UNKL: variants seen among roughly 807,000 people sequenced by gnomAD.
UNKL encodes putative E3 ubiquitin-protein ligase UNKL.
Under a neutral mutation model 78.0 loss-of-function variants are expected in UNKL, and 60 were observed. That is an observed-to-expected ratio of 0.77 (90% CI 0.63 to 0.95). The LOEUF (loss-of-function observed/expected upper bound fraction) is 0.95, where lower values mean the gene tolerates loss of function less well. UNKL is among the 40% of genes least tolerant of loss of function. UNKL has a pLI of 0.00. For missense variants in UNKL, 1,159 were observed against 1,045.7 expected (o/e 1.11, Z -1.49); for synonymous variants, 608 against 474.8 (o/e 1.28, Z -3.65).
At position 1,367,101 on chromosome 16, in the gene UNKL, C is replaced by T. The variant is rs1317737822; in HGVS notation, c.2037G>A (p.Ala679=). Residue 679 remains alanine, a synonymous_variant, in exon 14 of 15, where the codon GCG becomes GCA. Coordinates refer to ENST00000389221, the MANE Select transcript of UNKL (RefSeq NM_001372107.1). ...LQSQLRLDLE[A]VDGVIFQLRA... ...CCAGAGCAGGACTCACGCCGTCCAC[C>T]GCCTCCAGGTCCAGGCGCAGCTGAC... The T allele has an allele frequency of 1.7e-5, 27 of 1,567,802 alleles. No homozygotes were observed. Among genetic ancestry groups the T allele is most frequent in the Non-Finnish European group, 2.1e-5 (24 of 1,161,028 alleles).
rs1168953630 is a variant in UNKL, at chr16:1,401,800, G to A, written c.465-99C>T. On this transcript the variant is annotated intron_variant, in intron 3 of 14. Transcript: ENST00000389221. ...CACGCTCCCCTCCCACCACTGCACA[G>A]AGAGGCTGCTGCCGAAGGGTTCAGG... The A allele has an allele frequency of 2.7e-6, 4 of 1,476,956 alleles. No homozygotes were observed. The African/African-American group carries it at 5.6e-5, about 21-fold the overall frequency. The allele number at this position is 1,476,956 out of a possible 1,614,324, so 91.5% of individuals were successfully genotyped here.
rs112169658 is a variant in UNKL at position 1,380,618 on chromosome 16, C to T, written c.1264+4590G>A. Among the ~76,000 whole-genome samples the T allele has an allele frequency of 3.0e-3, 234 of 77,508 alleles. 3 individuals are homozygous for T. The highest frequency in any genetic ancestry group is 9.7e-3 in the African/African-American group (202 of 20,732). 50.8% of individuals were successfully genotyped at this position (77,508 alleles called of 152,430 possible). A position where few individuals can be genotyped will look rare whatever the true frequency, so the allele number is the denominator to read the frequency against. Reference sequence around the variant, plus strand: ...ACATTGCCTCTAACTAAGGCAGTGTCGATCCTGAAAAAAAAAAAAAATCCA... The same window carrying T: ...ACATTGCCTCTAACTAAGGCAGTGTTGATCCTGAAAAAAAAAAAAAATCCA... On this transcript the variant is annotated intron_variant, in intron 10 of 14. Transcript: ENST00000389221.
intron 12 of UNKL, among the ~76,000 whole-genome samples, chr16:1,369,114 G>C (rs1021473123): frequency 1.6e-5 from 2 of 123,752 alleles, no homozygotes; most frequent in Non-Finnish European, 1.6e-5. Flanking sequence ...CGCCAGGCTG[G>C]ATTGGAGTGC....
intron 2 of UNKL, among the ~76,000 whole-genome samples, chr16:1,410,115 T>G (rs771522286): frequency 1.3e-4 from 19 of 151,692 alleles, no homozygotes; most frequent in Non-Finnish European, 2.7e-4. Context: ...AAAAGATGCT[T>G]TCTCGCCGGG....
chr16:1,412,488 T>C (rs1443826141), intron 2 of UNKL, among the ~76,000 whole-genome samples: 1 of 152,180 alleles, frequency 6.6e-6, no homozygotes, highest in African/African-American at 2.4e-5. Flanking sequence ...GGCGGGTGCC[T>C]GTAATCCCAG....
chr16:1,383,103 C>CAAA (rs1209322926), intron 10 of UNKL, among the ~76,000 whole-genome samples: 1 of 73,146 alleles, frequency 1.4e-5, no homozygotes, highest in Non-Finnish European at 3.0e-5. Flanking sequence ...ACTAAAAATA[C>CAAA]AAAAAAAAAA....
intron 10 of UNKL, chr16:1,379,515 G>A: frequency 1.3e-5 from 13 of 985,336 alleles, no homozygotes; most frequent in Non-Finnish European, 1.6e-5. Flanking sequence ...ACCCGGCTCC[G>A]TGACGCGGGG....
chr16:1,376,886 T>C (rs548457273), intron 10 of UNKL, among the ~76,000 whole-genome samples: 19 of 152,110 alleles, frequency 1.2e-4, no homozygotes, highest in Non-Finnish European at 2.5e-4. Flanking sequence ...TGTACACTGC[T>C]GTCCTGAACC....
At chr16:1,375,052 C>T (rs193192058) in intron 10 of UNKL, among the ~76,000 whole-genome samples, 5 of 152,270 alleles carry the variant, frequency 3.3e-5, no homozygotes, top group African/African-American at 1.2e-4. Flanking sequence ...GTCAGCGCCA[C>T]GGGGACCATG....
At chr16:1,390,596 T>C in intron 9 of UNKL, 36 bp downstream of exon 9, 1 of 1,534,754 alleles carries the variant, frequency 6.5e-7, no homozygotes, top group African/African-American at 1.4e-5. Context: ...TAACGCGACA[T>C]CAGGCACGAG....
chr16:1,383,643 T>C, intron 10 of UNKL: 1 of 415,422 alleles, frequency 2.4e-6, no homozygotes. Context: ...GCTGGGGGCT[T>C]GCAGCTGGGC....
At position 1,397,047 on chromosome 16, in the gene UNKL, C is replaced by T. The variant is rs1333200024; in HGVS notation, c.852+131G>A. The stretch of plus-strand genomic sequence containing the variant: ...CAGCCCTCATGCCTCCACCCCCAGG[C>T]TTCCCGACCTGTGCCAGCCCTCGGC... On this transcript the variant is annotated intron_variant, in intron 6 of 14. Coordinates refer to ENST00000389221, the MANE Select transcript of UNKL (RefSeq NM_001372107.1). The T allele has an allele frequency of 6.1e-6, 6 of 989,920 alleles. No homozygotes were observed. In the Admixed American group the frequency reaches 1.1e-4, roughly 18 times the overall value. 61.3% of individuals were successfully genotyped at this position (989,920 alleles called of 1,614,324 possible).
At chr16:1,383,344 G>A (rs2036682092) in intron 10 of UNKL, among the ~76,000 whole-genome samples, 1 of 151,892 alleles carries the variant, frequency 6.6e-6, no homozygotes, top group South Asian at 2.1e-4. Context: ...GTAAAGGCCT[G>A]GGCTCAACCC....
chr16:1,392,997 C>A (rs1442355764), intron 7 of UNKL, 21 bp from the exon 8 acceptor site: 1 of 1,550,116 alleles, frequency 6.5e-7, no homozygotes, highest in Admixed American at 2.0e-5. Context: ...AGGGGAGCAG[C>A]AGACTCTGAG....
intron 2 of UNKL, among the ~76,000 whole-genome samples, chr16:1,409,599 G>T (rs1471973349): frequency 6.6e-6 from 1 of 152,126 alleles, no homozygotes; most frequent in South Asian, 2.1e-4. Context: ...ATTATAAACT[G>T]TAAGCCATTC....
chr16:1,371,501 G>C lies in UNKL; in HGVS notation c.1357+18C>G, dbSNP rs749230125. ...CAGCGGCTGGAGGAGCAGGGCCCCA[G>C]GTCCTCCCCACCCTCACCTGCTGCT... On this transcript the variant is annotated intron_variant, in intron 11 of 14. Transcript: ENST00000389221. 3.7e-5 allele frequency: 57 copies of C among 1,535,468 alleles called. No individual in the cohort carries two copies. The highest frequency in any genetic ancestry group is 4.8e-5 in the Non-Finnish European group (55 of 1,146,528).
intron 2 of UNKL, 95 bp downstream of exon 2, chr16:1,413,751 G>T: frequency 7.5e-7 from 1 of 1,339,716 alleles, no homozygotes; most frequent in Non-Finnish European, 1.0e-6. Flanking sequence ...GGCCAGGTAT[G>T]GACACTAAGG....
At chr16:1,367,902 G>C (rs547616191) in intron 12 of UNKL, 44 bp from the exon 13 acceptor site, 4 of 1,495,100 alleles carry the variant, frequency 2.7e-6, no homozygotes, top group Non-Finnish European at 3.6e-6. Flanking sequence ...TGCTGTGCTC[G>C]CGGCCTGGTG....
At chr16:1,413,592 G>A (rs1490224520) in intron 2 of UNKL, among the ~76,000 whole-genome samples, 4 of 152,206 alleles carry the variant, frequency 2.6e-5, no homozygotes, top group Admixed American at 2.6e-4. Flanking sequence ...AAAAAAGTGG[G>A]AGGTGAAGCA....
Sources: allele counts gnomAD v4.1 joint callset (sites outside exome capture counted in the v4.1 genomes callset), GRCh38; gene constraint gnomAD v4.1.1; transcripts MANE v1.5; gene names NCBI Gene and HGNC (gene_info 2026-07-23, HGNC 2026-07-21).